The following CCNF variants were observed in gnomAD, a reference collection of about 807,000 sequenced individuals.
CCNF encodes cyclin-F.
Under a neutral mutation model 85.4 loss-of-function variants are expected in CCNF, and 30 were observed. The ratio of observed to expected loss-of-function variants is 0.35; its 90% CI spans 0.26 to 0.48. The LOEUF is 0.48. CCNF is among the 20% of genes least tolerant of loss of function. The pLI, the probability that CCNF is intolerant of heterozygous loss-of-function variation, is 0.99. For synonymous variants in CCNF, 439 were observed against 425.1 expected, an observed-to-expected ratio of 1.03 and a Z score of -0.40; for missense variants, 919 against 1,010.4, an observed-to-expected ratio of 0.91 and a Z score of 1.23.
In CCNF at chr16:2,439,729, C is replaced by G; in HGVS notation, c.700-20C>G. 6.2e-7 allele frequency: 1 copy of G among 1,608,554 alleles called. No homozygotes were observed. Among genetic ancestry groups the G allele is most frequent in the South Asian group, 1.1e-5 (1 of 90,856 alleles). On this transcript the variant is annotated intron_variant, in intron 7 of 16. Transcript: ENST00000397066. Reference sequence around the variant, plus strand: ...CCCAAGACACAGTTGTACAAAGGCTCGGTGATCTCCCATTGACAGGTGTCA... The same window carrying G: ...CCCAAGACACAGTTGTACAAAGGCTGGGTGATCTCCCATTGACAGGTGTCA...
At chr16:2,446,269 A>T (rs572330956) in intron 10 of CCNF, among the ~76,000 whole-genome samples, 6 of 152,020 alleles carry the variant, frequency 3.9e-5, no homozygotes, top group Non-Finnish European at 8.8e-5. Flanking sequence ...GGGCAGCAGG[A>T]TGACTGATCA....
In CCNF at chr16:2,451,018, C is replaced by T. The variant is rs1275475370; in HGVS notation, c.1487+1103C>T. 1.3e-5 allele frequency among the ~76,000 whole-genome samples: 2 copies of T among 152,244 alleles called. No individual in the cohort carries two copies. Among genetic ancestry groups the T allele is most frequent in the Non-Finnish European group, 2.9e-5 (2 of 68,046 alleles). ...CCCACTGGGCTTCCCTCCACCTGCCCCGGCCCCTCCGCCCTTCTCTCTGGT... is the reference window on the plus strand; with the variant it reads ...CCCACTGGGCTTCCCTCCACCTGCCTCGGCCCCTCCGCCCTTCTCTCTGGT... On this transcript the variant is annotated intron_variant, in intron 13 of 16. Coordinates refer to ENST00000397066, the MANE Select transcript of CCNF (RefSeq NM_001761.3). The surrounding 1 kb of genome is among the most constrained non-coding windows in gnomAD (Gnocchi z 4.3).
intron 6 of CCNF, among the ~76,000 whole-genome samples, chr16:2,439,070 G>C (rs1218689669): frequency 2.6e-5 from 4 of 151,940 alleles, no homozygotes; most frequent in African/African-American, 9.7e-5. Flanking sequence ...GACTGAGGTG[G>C]GTGGATCACC....
At position 2,448,952 on chromosome 16, in the gene CCNF, G is replaced by A. The variant is rs1014628275; in HGVS notation, c.1192G>A (p.Val398Ile). 9.9e-6 allele frequency: 16 copies of A among 1,614,104 alleles called. No individual in the cohort carries two copies. The highest frequency in any genetic ancestry group is 1.7e-5 in the Admixed American group (1 of 60,018). Residue 398 changes from valine (V) to isoleucine (I), a missense_variant, in exon 11 of 17, where the codon GTC (valine) becomes ATC (isoleucine). Physicochemically the swap from Val to Ile is conservative, Grantham distance 29. This residue lies in a region of CCNF where 505 missense variants were observed against 514.8 expected (regional missense o/e 0.98). Transcript: ENST00000397066. ...CCTGGTGAGAATGATGGGCGAGATC[G>A]TCTCCGCCTTGGAAGGGAAGATTCG... ...EDLVRMMGEI[V>I]SALEGKIRVP...
intron 2 of CCNF, among the ~76,000 whole-genome samples, chr16:2,431,704 G>C (rs1039437747): frequency 2.7e-5 from 4 of 149,576 alleles, no homozygotes; most frequent in African/African-American, 7.4e-5. Context: ...AAAAAGGAGG[G>C]CAAAAAGGAA....
At chr16:2,447,663 A>G (rs1192840029) in intron 10 of CCNF, among the ~76,000 whole-genome samples, 1 of 152,026 alleles carries the variant, frequency 6.6e-6, no homozygotes, top group Non-Finnish European at 1.5e-5. Context: ...AGGCATGAGA[A>G]TCACTTGAAC....
chr16:2,431,818 T>C (rs1431630128), intron 2 of CCNF, among the ~76,000 whole-genome samples: 1 of 146,230 alleles, frequency 6.8e-6, no homozygotes, highest in African/African-American at 2.6e-5. Flanking sequence ...TTCATTGCAG[T>C]GTCAACAAAG....
At position 2,456,949 on chromosome 16, in the gene CCNF, C is replaced by G. The variant is rs1310230621; in HGVS notation, c.2290C>G (p.Gln764Glu). The G allele has an allele frequency of 1.9e-6, 3 of 1,613,430 alleles. No homozygotes were observed. In the African/African-American group the frequency reaches 4.0e-5, roughly 22 times the overall value. Residue 764 changes from glutamine (Q) to glutamate (E), a missense_variant, in exon 17 of 17, where the codon CAG becomes GAG. By Grantham distance (29) the Gln-to-Glu change is conservative. Transcript: ENST00000397066. This position sits in a 1 kb window ranked among gnomAD's most constrained non-coding sequence, Gnocchi z 4.5. ...SPPESSVPQQ[Q>E]VKRINLCIHS... is the part of the protein sequence containing the mutation. ...CCCGGAGAGCAGTGTTCCCCAGCAA[C>G]AGGTGAAGCGGATAAACCTATGCAT...
At position 2,456,930 on chromosome 16, in the gene CCNF, G is replaced by A. The variant is rs1039034118; in HGVS notation, c.2271G>A (p.Glu757=). The change falls in exon 17 of 17, where the codon GAG becomes GAA. Residue 757 remains glutamate, a synonymous_variant. Transcript: ENST00000397066. This position sits in a 1 kb window ranked among gnomAD's most constrained non-coding sequence, Gnocchi z 4.5. ...CLQCRPPSPP[E]SSVPQQQVKR... Reference sequence around the variant, plus strand: ...AGTGTCGTCCCCCAAGTCCCCCGGAGAGCAGTGTTCCCCAGCAACAGGTGA... The same window carrying A: ...AGTGTCGTCCCCCAAGTCCCCCGGAAAGCAGTGTTCCCCAGCAACAGGTGA... 22 of 1,613,996 alleles carry A rather than the reference G, an allele frequency of 1.4e-5. No homozygotes were observed. The highest frequency in any genetic ancestry group is 1.9e-5 in the Non-Finnish European group (22 of 1,180,024).
At chr16:2,435,704 T>TATATATATATATATATA (rs2065287357) in intron 3 of CCNF, 102 bp from the exon 4 acceptor site, 1 of 513,358 alleles carries the variant, frequency 1.9e-6, no homozygotes, top group Non-Finnish European at 3.6e-6. Flanking sequence ...TATATATATA[T>TATATATATATATATATA]TCAATTCAGG....
At position 2,437,191 on chromosome 16, in the gene CCNF, C is replaced by G. The variant is rs1244309698; in HGVS notation, c.409C>G (p.Leu137Val). 11 of 1,612,660 alleles carry G rather than the reference C, an allele frequency of 6.8e-6. No homozygotes were observed. Among genetic ancestry groups the G allele is most frequent in the Non-Finnish European group, 9.3e-6 (11 of 1,179,048 alleles). Reference protein sequence around the residue: ...NGLKASRFFSLAERLNVGAAP... With the variant: ...NGLKASRFFSVAERLNVGAAP... ...CCTGAAGGCCTCTCGCTTCTTCAGT[C>G]TCGCTGAGCGGCTGAATGTGGGTGC... The change falls in exon 5 of 17, where the codon CTC (leucine) becomes GTC (valine). Residue 137 changes from leucine (L) to valine (V), a missense_variant. This residue lies in a region of CCNF where 410 missense variants were observed against 478.6 expected (regional missense o/e 0.86). Coordinates refer to ENST00000397066, the MANE Select transcript of CCNF (RefSeq NM_001761.3).
chr16:2,441,851 G>A (rs755211187), intron 8 of CCNF, among the ~76,000 whole-genome samples: 1 of 145,794 alleles, frequency 6.9e-6, no homozygotes, highest in Non-Finnish European at 1.5e-5. Context: ...AAACTCAAGT[G>A]GTTAGAAATT....
chr16:2,433,129 C>CT, intron 3 of CCNF, 62 bp downstream of exon 3: 1 of 1,020,902 alleles, frequency 9.8e-7, no homozygotes, highest in Non-Finnish European at 1.5e-6. Context: ...ATGTGCCAGT[C>CT]TGTGTCTCAC....
chr16:2,430,955 C>G (rs1013920851), intron 1 of CCNF, 175 bp from the exon 2 acceptor site: 3 of 781,990 alleles, frequency 3.8e-6, no homozygotes, highest in Admixed American at 1.7e-5. Context: ...CAATGCCACT[C>G]CTTTACATAA....
rs940489327 is a variant in CCNF, at chr16:2,458,372, C to T, written c.*1352C>T. 6.6e-6 allele frequency: 1 copy of T among 152,026 alleles called. No homozygotes were observed. The highest frequency in any genetic ancestry group is 1.5e-5 in the Non-Finnish European group (1 of 68,026). 9.4% of individuals were successfully genotyped at this position (152,026 alleles called of 1,614,324 possible). On this transcript the variant is annotated 3_prime_UTR_variant, in exon 17 of 17. Coordinates refer to ENST00000397066, the MANE Select transcript of CCNF (RefSeq NM_001761.3). Reference sequence around the variant, plus strand: ...GCCTCCCGGATACTCCTGCCTCAGCCTCCTGGGTAGCTGGGATTACAAGCA... The same window carrying T: ...GCCTCCCGGATACTCCTGCCTCAGCTTCCTGGGTAGCTGGGATTACAAGCA...
At chr16:2,435,249 C>CAA (rs1358301735) in intron 3 of CCNF, among the ~76,000 whole-genome samples, 6 of 35,364 alleles carry the variant, frequency 1.7e-4, no homozygotes, top group South Asian at 1.5e-3. Context: ...GACTCCGTCT[C>CAA]AAAAAAAAAA....
chr16:2,442,889 T>TG (rs1555497575), intron 8 of CCNF, among the ~76,000 whole-genome samples: 1 of 89,102 alleles, frequency 1.1e-5, no homozygotes, highest in Non-Finnish European at 2.0e-5. Context: ...TATAATTATA[T>TG]ATTATATATT....
chr16:2,445,732 T>TTTTG (rs2065358891), intron 10 of CCNF, 110 bp downstream of exon 10: 1 of 1,066,056 alleles, frequency 9.4e-7, no homozygotes, highest in Admixed American at 2.9e-5. Flanking sequence ...TTGTGTTGTT[T>TTTTG]TTTTTTTTTT....
chr16:2,443,514 G>A (rs768511877), intron 8 of CCNF, 135 bp from the exon 9 acceptor site: 29 of 707,892 alleles, frequency 4.1e-5, no homozygotes, highest in Non-Finnish European at 4.9e-5. Flanking sequence ...CCTTGTTCCC[G>A]AAGCTTGTGA....
Sources: gnomAD v4.1 joint callset for allele counts (sites outside exome capture counted in the v4.1 genomes callset) on GRCh38, gnomAD v4.1.1 for gene constraint, gnomAD v4.1.1 regional missense constraint, Gnocchi (gnomAD v3.1) non-coding constraint, MANE v1.5 for transcripts, NCBI Gene and HGNC (gene_info 2026-07-23, HGNC 2026-07-21) for gene names.